The following TRRAP variants were observed in gnomAD, a reference collection of about 807,000 sequenced individuals.
TRRAP encodes transformation/transcription domain associated protein, also known as transformation/transcription domain-associated protein.
In TRRAP, 41 loss-of-function variants were observed where a neutral mutation model predicts 438.8. The ratio of observed to expected loss-of-function variants is 0.09; its 90% confidence interval spans 0.07 to 0.12. The LOEUF (loss-of-function observed/expected upper bound fraction) is 0.12. TRRAP is among the 10% of genes least tolerant of loss of function. The pLI, the probability that TRRAP is intolerant of heterozygous loss-of-function variation, is 1.00. For missense variants in TRRAP, 3,122 were observed against 5,055.1 expected, an observed-to-expected ratio of 0.62 and a Z score of 11.60; for synonymous variants, 1,994 against 1,962.9, an observed-to-expected ratio of 1.02 and a Z score of -0.42.
intron 22 of TRRAP, among the ~76,000 whole-genome samples, chr7:98,925,623 T>C (rs1554411433): frequency 6.6e-6 from 1 of 152,250 alleles, no homozygotes. Flanking sequence ...TGCATTTTCA[T>C]TTCACAGTGA....
intron 26 of TRRAP, among the ~76,000 whole-genome samples, chr7:98,932,977 T>C (rs1790391102): frequency 6.7e-6 from 1 of 150,244 alleles, no homozygotes; most frequent in Admixed American, 6.7e-5. Flanking sequence ...GTTTTATTCT[T>C]GTTTTGTTGT....
intron 53 of TRRAP, among the ~76,000 whole-genome samples, chr7:98,973,407 G>C (rs892325427): frequency 1.3e-5 from 2 of 152,226 alleles, no homozygotes; most frequent in Admixed American, 6.5e-5. Flanking sequence ...TTTAGCCTCA[G>C]CTCCTGGTGC....
In TRRAP at chr7:98,961,420, C is replaced by T; in HGVS notation, c.6649C>T (p.Arg2217Ter). The T allele has an allele frequency of 6.2e-7, 1 of 1,614,228 alleles. No individual in the cohort carries two copies. The highest frequency in any genetic ancestry group is 8.5e-7 in the Non-Finnish European group (1 of 1,180,044). Residue 2217 changes from arginine to a stop codon, truncating the protein, a stop_gained, in exon 46 of 73, where the codon CGA (arginine) becomes TGA (stop). Transcript: ENST00000456197. LOFTEE classifies it high-confidence loss of function. ...GACATGTGGAAACACCAAGGTGTTG[C>T]GAGCCGTCCACAGCCTTCTCTCGCG... is the stretch of plus-strand genomic sequence containing the variant. ...CMTCGNTKVL[R>*]AVHSLLSRLM...
Position 98,976,823 on chromosome 7 carries a change from A to G in TRRAP, c.8247+53A>G. ...ACCTCTTCCCTGCCAGTGACTTCAC[A>G]CTTTAAATAAATACTCCTCCCAAAT... On this transcript the variant is annotated intron_variant, in intron 55 of 72. Coordinates refer to ENST00000456197, the MANE Select transcript of TRRAP (RefSeq NM_001375524.1). The surrounding 1 kb of genome is among the most constrained non-coding windows in gnomAD (Gnocchi z 4.6). 1 of 1,601,548 alleles carries G rather than the reference A, an allele frequency of 6.2e-7. No individual in the cohort carries two copies. The highest frequency in any genetic ancestry group is 8.5e-7 in the Non-Finnish European group (1 of 1,172,504).
At position 98,991,226 on chromosome 7, in the gene TRRAP, C is replaced by G. The variant is rs1054054830; in HGVS notation, c.9756+607C>G. 2.6e-5 allele frequency among the ~76,000 whole-genome samples: 4 copies of G among 152,184 alleles called. No homozygotes were observed. In the East Asian group the frequency reaches 7.7e-4, roughly 29 times the overall value. ...CCAGGCATAGAGGAAGGACCAGAAACGGCGGAAGCGTGGCTACAGTGAGGT... is the reference window on the plus strand; with the variant it reads ...CCAGGCATAGAGGAAGGACCAGAAAGGGCGGAAGCGTGGCTACAGTGAGGT... On this transcript the variant is annotated intron_variant, in intron 64 of 72. Coordinates refer to ENST00000456197, the MANE Select transcript of TRRAP (RefSeq NM_001375524.1).
At chr7:98,930,255 T>C in intron 24 of TRRAP, 49 bp downstream of exon 24, 1 of 1,592,224 alleles carries the variant, frequency 6.3e-7, no homozygotes, top group Non-Finnish European at 8.6e-7. Context: ...TGTCTGTACC[T>C]GAGAGTGGTC....
In TRRAP at chr7:98,948,701, A is replaced by G; in HGVS notation, c.4788+16A>G. The G allele has an allele frequency of 1.4e-5, 23 of 1,614,162 alleles. No individual in the cohort carries two copies. Among genetic ancestry groups the G allele is most frequent in the Non-Finnish European group, 1.9e-5 (23 of 1,180,036 alleles). The stretch of plus-strand genomic sequence containing the variant: ...AATGTTTATGGTAAGAGCTGTGAGC[A>G]GCTGGAGTCAGGGGTCCCTTCAAAT... On this transcript the variant is annotated intron_variant, in intron 35 of 72. Coordinates refer to ENST00000456197, the MANE Select transcript of TRRAP (RefSeq NM_001375524.1). This position sits in a 1 kb window ranked among gnomAD's most constrained non-coding sequence, Gnocchi z 4.9.
chr7:99,003,946 G>A (rs902765140), intron 67 of TRRAP, among the ~76,000 whole-genome samples: 1 of 152,126 alleles, frequency 6.6e-6, no homozygotes, highest in African/African-American at 2.4e-5. Context: ...GGTGGCGGGT[G>A]CCTGTAATCC....
At chr7:98,998,905 G>A (rs143608554) in intron 67 of TRRAP, 258 of 457,926 alleles carry the variant, frequency 5.6e-4, no homozygotes, top group African/African-American at 4.1e-3. Flanking sequence ...ACATGGAGAG[G>A]CCCCATGGTA....
intron 4 of TRRAP, 33 bp downstream of exon 4, chr7:98,890,478 G>T (rs782623030): frequency 1.4e-6 from 2 of 1,479,904 alleles, no homozygotes; most frequent in Non-Finnish European, 1.8e-6. Context: ...GAAGACAAGG[G>T]TGCTGTGGGA....
Position 98,959,354 on chromosome 7 carries a change from ACAC to A in TRRAP, c.6356_6358del (p.Thr2119del). ...CGGATGAATTCCTAGGTTAATGACA[ACAC>A]CAACACAGCGGGGTCCCCTGGGGAG... On this transcript the variant is annotated inframe_deletion, in exon 45 of 73. Transcript: ENST00000456197. 8 of 1,613,740 alleles carry A rather than the reference ACAC, an allele frequency of 5.0e-6. No individual in the cohort carries two copies. Among genetic ancestry groups the A allele is most frequent in the Non-Finnish European group, 6.8e-6 (8 of 1,179,912 alleles).
Position 98,967,487 on chromosome 7 carries a change from A to G in TRRAP, c.7301A>G (p.Asp2434Gly). 6.8e-6 allele frequency: 11 copies of G among 1,613,602 alleles called. No individual in the cohort carries two copies. Among genetic ancestry groups the G allele is most frequent in the Non-Finnish European group, 8.5e-6 (10 of 1,180,014 alleles). Residue 2434 changes from aspartate to glycine, a missense_variant and splice_region_variant, in exon 51 of 73, where the codon GAT (aspartate) becomes GGT (glycine). By Grantham distance (94) the Asp-to-Gly change is moderately conservative. Coordinates refer to ENST00000456197, the MANE Select transcript of TRRAP (RefSeq NM_001375524.1). Reference sequence around the variant, plus strand: ...CTGTCTCTGACTTGGTGTTACAGGGATGAGACCCTCTCTGGCAGCGAGCTG... The same window carrying G: ...CTGTCTCTGACTTGGTGTTACAGGGGTGAGACCCTCTCTGGCAGCGAGCTG... ...FLDLVNYVYRDETLSGSELTA... is the reference protein window; with the variant it reads ...FLDLVNYVYRGETLSGSELTA...
chr7:98,928,379 T>C (rs1350181545), intron 23 of TRRAP, among the ~76,000 whole-genome samples: 1 of 152,178 alleles, frequency 6.6e-6, no homozygotes, highest in Admixed American at 6.5e-5. Context: ...CACTGCCCAG[T>C]TGGTGTCCTC....
chr7:98,922,548 A>G (rs1789846584), intron 21 of TRRAP, among the ~76,000 whole-genome samples: 1 of 151,078 alleles, frequency 6.6e-6, no homozygotes, highest in Admixed American at 6.6e-5. Context: ...GTTCTGTGTC[A>G]GCATCATTCC....
At chr7:98,941,728 TG>T (rs1790804634) in intron 30 of TRRAP, among the ~76,000 whole-genome samples, 1 of 152,110 alleles carries the variant, frequency 6.6e-6, no homozygotes. Context: ...TTTGAAGAAA[TG>T]TGTATTATTG....
chr7:98,961,732 C>T (rs1402169197), intron 46 of TRRAP, among the ~76,000 whole-genome samples: 1 of 152,146 alleles, frequency 6.6e-6, no homozygotes, highest in Admixed American at 6.5e-5. Context: ...CCAGCCTGAC[C>T]AACGTGGAGA....
Position 98,944,156 on chromosome 7 carries a change from G to T in TRRAP, c.4473+1139G>T, listed in dbSNP as rs954942415. Among the ~76,000 whole-genome samples the T allele has an allele frequency of 2.0e-5, 3 of 152,158 alleles. No homozygotes were observed. In the South Asian group the frequency reaches 6.2e-4, roughly 32 times the overall value. ...TAATGAGCCCAGGCTCCTGGGATGA[G>T]GTGCAGGTGTCTGTGTGCTGCTCTC... On this transcript the variant is annotated intron_variant, in intron 31 of 72. Transcript: ENST00000456197.
chr7:98,927,900 G>T (rs1233765536), intron 23 of TRRAP, among the ~76,000 whole-genome samples: 3 of 152,092 alleles, frequency 2.0e-5, no homozygotes, highest in African/African-American at 7.2e-5. Context: ...ACTTGTATTT[G>T]TTCACTTTTA....
intron 12 of TRRAP, among the ~76,000 whole-genome samples, chr7:98,904,604 C>A (rs1353103912): frequency 1.3e-5 from 2 of 152,100 alleles, no homozygotes; most frequent in Non-Finnish European, 2.9e-5. Context: ...GTGTTCACAG[C>A]TGCTAGCCAG....
Sources: allele counts gnomAD v4.1 joint callset (sites outside exome capture counted in the v4.1 genomes callset), GRCh38; gene constraint gnomAD v4.1.1; non-coding constraint Gnocchi (gnomAD v3.1); transcripts MANE v1.5; gene names NCBI Gene and HGNC (gene_info 2026-07-23, HGNC 2026-07-21).